DPF3: variants seen among roughly 807,000 people sequenced by gnomAD.
DPF3 encodes double PHD fingers 3, also known as zinc finger protein DPF3.
Under a neutral mutation model 56.8 loss-of-function variants are expected in DPF3, and 18 were observed. The ratio of observed to expected loss-of-function variants is 0.32; its 90% CI spans 0.22 to 0.47. The LOEUF (loss-of-function observed/expected upper bound fraction) is 0.47. Ranked by LOEUF, DPF3 falls within the 20% of genes least tolerant of loss-of-function variation. The probability of loss-of-function intolerance (pLI) is 1.00; values close to 1 mark genes in which losing one functional copy is unlikely to be tolerated. For synonymous variants in DPF3, 188 were observed against 180.2 expected (o/e 1.04, Z -0.35); for missense variants, 403 against 488.8 (o/e 0.82, Z 1.65).
At chr14:72,769,011 T>C (rs1267040110) in intron 2 of DPF3, among the ~76,000 whole-genome samples, 1 of 151,904 alleles carries the variant, frequency 6.6e-6, no homozygotes, top group Non-Finnish European at 1.5e-5. Flanking sequence ...ATATCATTTC[T>C]AGGATTTTTT....
intron 1 of DPF3, among the ~76,000 whole-genome samples, chr14:72,892,992 GA>G (rs1599532034): frequency 1.3e-5 from 2 of 148,726 alleles, no homozygotes; most frequent in South Asian, 2.1e-4. Flanking sequence ...AGGAAGGAAG[GA>G]AGGAAGGAAG....
At chr14:72,867,777 T>C (rs1203880473) in intron 1 of DPF3, among the ~76,000 whole-genome samples, 2 of 152,214 alleles carry the variant, frequency 1.3e-5, no homozygotes, top group Non-Finnish European at 2.9e-5. Flanking sequence ...CTCACTCTGT[T>C]ACCCAGGCTG....
chr14:72,848,281 A>C (rs1386711443), intron 1 of DPF3, among the ~76,000 whole-genome samples: 1 of 152,044 alleles, frequency 6.6e-6, no homozygotes, highest in Non-Finnish European at 1.5e-5. Flanking sequence ...CTCCTGCCTC[A>C]GCTTCCCAAG....
At chr14:72,735,032 T>C (rs756528756) in intron 3 of DPF3, among the ~76,000 whole-genome samples, 9 of 152,128 alleles carry the variant, frequency 5.9e-5, no homozygotes, top group Non-Finnish European at 1.2e-4. Flanking sequence ...TTGCTTGATA[T>C]CACACAGCTG....
At position 72,674,120 on chromosome 14, in the gene DPF3, C is replaced by T. The variant is rs1599345831; in HGVS notation, c.871+120G>A. 5 of 1,378,726 alleles carry T rather than the reference C, an allele frequency of 3.6e-6. No homozygotes were observed. In the East Asian group the frequency reaches 1.3e-4, roughly 36 times the overall value. The allele number at this position is 1,378,726 out of a possible 1,614,324, so 85.4% of individuals were successfully genotyped here. A position where few individuals can be genotyped will look rare whatever the true frequency, so the allele number is the denominator to read the frequency against. ...AGAATGAGCTGAAAACTCCTCTCCA[C>T]TCGAAAGCATTGCCACCATCGCTTC... On this transcript the variant is annotated intron_variant, in intron 8 of 10. Transcript: ENST00000556509.
intron 8 of DPF3, among the ~76,000 whole-genome samples, chr14:72,643,841 A>G (rs1405437396): frequency 1.3e-5 from 2 of 152,204 alleles, no homozygotes; most frequent in Non-Finnish European, 2.9e-5. Context: ...TTGTCTAAGA[A>G]AGGAACAAAA....
At chr14:72,669,751 G>A (rs1886588224) in intron 8 of DPF3, among the ~76,000 whole-genome samples, 1 of 152,024 alleles carries the variant, frequency 6.6e-6, no homozygotes, top group Admixed American at 6.5e-5. Context: ...CCTATGCCAG[G>A]GCCCACATGA....
rs543371503 is a variant in DPF3 at position 72,611,090 on chromosome 14, C to A, written c.*8207G>T. On this transcript the variant is annotated 3_prime_UTR_variant, in exon 11 of 11. Coordinates refer to ENST00000556509, the MANE Select transcript of DPF3 (RefSeq NM_001280542.3). Reference sequence around the variant, plus strand: ...ACTGGGAGTCATGTGCCATCCAGGGCCCCAGAGGAGCCTTCCCTTGGGCCA... The same window carrying A: ...ACTGGGAGTCATGTGCCATCCAGGGACCCAGAGGAGCCTTCCCTTGGGCCA... Among the ~76,000 whole-genome samples the A allele has an allele frequency of 6.6e-6, 1 of 152,272 alleles. No individual in the cohort carries two copies. Among genetic ancestry groups the A allele is most frequent in the Admixed American group, 6.5e-5 (1 of 15,304 alleles).
intron 3 of DPF3, among the ~76,000 whole-genome samples, chr14:72,744,918 T>A (rs1599403177): frequency 6.6e-6 from 1 of 152,176 alleles, no homozygotes; most frequent in Admixed American, 6.5e-5. Context: ...GCAGGCAGAC[T>A]ATTCTCCCTC....
intron 1 of DPF3, among the ~76,000 whole-genome samples, chr14:72,889,614 T>A (rs920381665): frequency 2.6e-5 from 4 of 152,126 alleles, no homozygotes; most frequent in Non-Finnish European, 5.9e-5. Context: ...CCCTCTGATA[T>A]CTAAACTGAG....
At chr14:72,695,065 A>T (rs1887848184) in intron 6 of DPF3, among the ~76,000 whole-genome samples, 1 of 152,286 alleles carries the variant, frequency 6.6e-6, no homozygotes. Context: ...CTTGAGCTCA[A>T]TCTATAATTT....
At chr14:72,662,522 G>A (rs191966821) in intron 8 of DPF3, 109 of 985,022 alleles carry the variant, frequency 1.1e-4, no homozygotes, top group Non-Finnish European at 1.3e-4. Context: ...AATTCCAGGC[G>A]GACCTGGGTA....
At chr14:72,741,774 C>T (rs1197052362) in intron 3 of DPF3, among the ~76,000 whole-genome samples, 1 of 152,256 alleles carries the variant, frequency 6.6e-6, no homozygotes, top group Non-Finnish European at 1.5e-5. Context: ...TTGTCCACCT[C>T]CCAGTGGGCA....
At chr14:72,662,786 G>A (rs1886270236) in intron 8 of DPF3, 2 of 987,884 alleles carry the variant, frequency 2.0e-6, no homozygotes, top group South Asian at 9.3e-5. Context: ...ACCTTCTTCG[G>A]AAATGGCTTG....
chr14:72,690,552 A>G (rs1048958281), intron 7 of DPF3, among the ~76,000 whole-genome samples: 14 of 151,770 alleles, frequency 9.2e-5, no homozygotes, highest in African/African-American at 2.7e-4. Context: ...ACACGCACAC[A>G]CATGCACGCA....
Position 72,785,438 on chromosome 14 carries a change from T to C in DPF3, c.33-13545A>G, listed in dbSNP as rs137862607. Among the ~76,000 whole-genome samples the C allele has an allele frequency of 5.4e-3, 818 of 152,328 alleles. 5 individuals carry two copies. The highest frequency in any genetic ancestry group is 0.019 in the African/African-American group (796 of 41,564). On this transcript the variant is annotated intron_variant, in intron 1 of 10. Coordinates refer to ENST00000556509, the MANE Select transcript of DPF3 (RefSeq NM_001280542.3). ...GGATCTATGTGGCCTTGTTAATACA[T>C]TACAGTCTTGCCAGAACCTTACTCT...
In DPF3 at chr14:72,655,486, G is replaced by A. The variant is rs546312919; in HGVS notation, c.871+18754C>T. ...ATGATGTTGGATGTGGTGGTGTCCA[G>A]TGAGATGAAAACTGGAGTGGAATTC... On this transcript the variant is annotated intron_variant, in intron 8 of 10. Coordinates refer to ENST00000556509, the MANE Select transcript of DPF3 (RefSeq NM_001280542.3). Among the ~76,000 whole-genome samples, 4 of 152,344 alleles carry A rather than the reference G, an allele frequency of 2.6e-5. No individual in the cohort carries two copies. The East Asian group carries it at 7.7e-4, about 29-fold the overall frequency.
intron 1 of DPF3, among the ~76,000 whole-genome samples, chr14:72,878,366 G>T (rs1886196629): frequency 6.6e-6 from 1 of 152,176 alleles, no homozygotes; most frequent in Non-Finnish European, 1.5e-5. Context: ...TGCTATACTT[G>T]GTTGGGACAC....
At chr14:72,872,823 AG>A (rs1885955899) in intron 1 of DPF3, among the ~76,000 whole-genome samples, 1 of 152,258 alleles carries the variant, frequency 6.6e-6, no homozygotes, top group Admixed American at 6.5e-5. Context: ...CAATGGGGAA[AG>A]GATTCCCTAT....
Sources: gnomAD v4.1 joint callset for allele counts (sites outside exome capture counted in the v4.1 genomes callset) on GRCh38, gnomAD v4.1.1 for gene constraint, MANE v1.5 for transcripts, NCBI Gene and HGNC (gene_info 2026-07-23, HGNC 2026-07-21) for gene names.